FLYWCH1: variants seen among roughly 807,000 people sequenced by gnomAD.
FLYWCH1 encodes the protein FLYWCH-type zinc finger-containing protein 1.
In FLYWCH1, 75 loss-of-function variants were observed where a neutral mutation model predicts 66.4. The observed-to-expected ratio is 1.13, with a 90% CI of 0.94 to 1.37. The LOEUF is 1.37. Ranked by LOEUF, FLYWCH1 falls within the 40% of genes most tolerant of loss-of-function variation. The pLI is 0.00. For synonymous variants in FLYWCH1, 595 were observed against 429.9 expected (o/e 1.38, Z -4.75); for missense variants, 1,334 against 1,001.8 (o/e 1.33, Z -4.48).
intron 2 of FLYWCH1, among the ~76,000 whole-genome samples, chr16:2,928,281 C>G (rs532903026): frequency 6.6e-6 from 1 of 152,206 alleles, no homozygotes; most frequent in African/African-American, 2.4e-5. Context: ...TTCCCTCTTT[C>G]ACTCCTCCTC....
intron 9 of FLYWCH1, among the ~76,000 whole-genome samples, chr16:2,948,404 A>G (rs1256766752): frequency 6.7e-6 from 1 of 148,878 alleles, no homozygotes; most frequent in Non-Finnish European, 1.5e-5. Context: ...AATAAAATAC[A>G]AAAAAAAAAT....
At chr16:2,930,307 G>A in intron 3 of FLYWCH1, 103 bp from the exon 4 acceptor site, 1 of 717,356 alleles carries the variant, frequency 1.4e-6, no homozygotes, top group Non-Finnish European at 2.3e-6. Flanking sequence ...AGGAGGAGAA[G>A]GCACCTGCCA....
At chr16:2,919,115 T>C (rs1275460606) in intron 2 of FLYWCH1, among the ~76,000 whole-genome samples, 1 of 151,902 alleles carries the variant, frequency 6.6e-6, no homozygotes. Context: ...TTTTGTGTTT[T>C]AGTAGATGTT....
At chr16:2,912,929 G>A (rs2070041127) in intron 1 of FLYWCH1, 1 of 152,172 alleles carries the variant, frequency 6.6e-6, no homozygotes. Flanking sequence ...TGCTTTCCAA[G>A]GGCCAATATG....
chr16:2,926,618 C>G (rs1399632316), intron 2 of FLYWCH1, among the ~76,000 whole-genome samples: 2 of 152,210 alleles, frequency 1.3e-5, no homozygotes, highest in Admixed American at 6.5e-5. Context: ...AGACAAGGCT[C>G]TAAAGAGCCC....
intron 2 of FLYWCH1, among the ~76,000 whole-genome samples, chr16:2,916,463 G>A (rs1013751198): frequency 5.9e-5 from 9 of 151,716 alleles, no homozygotes; most frequent in Admixed American, 2.0e-4. Context: ...GTGAAACCCC[G>A]TCTCTACTAA....
chr16:2,928,760 G>GCCC (rs940417343), intron 2 of FLYWCH1: 11 of 152,080 alleles, frequency 7.2e-5, no homozygotes, highest in African/African-American at 2.4e-4. Context: ...GCCACTGACT[G>GCCC]CCCCCAGGCC....
At chr16:2,937,051 T>G (rs531099720) in intron 6 of FLYWCH1, 70 bp from the exon 7 acceptor site, 11 of 1,242,232 alleles carry the variant, frequency 8.9e-6, no homozygotes, top group Admixed American at 3.9e-5. Flanking sequence ...GGAGGTCTCA[T>G]CTCGGGGCCA....
rs55962211 is a variant in FLYWCH1, at chr16:2,928,666, G to A, written c.-73-947G>A. On this transcript the variant is annotated intron_variant, in intron 2 of 9. Transcript: ENST00000253928. ...TACAGATCAAAATGGAGTTTCTTAT[G>A]TCTTCCTTTCCTACATAGACACAGT... Among the ~76,000 whole-genome samples, 219 of 152,150 alleles carry A rather than the reference G, an allele frequency of 1.4e-3. 1 individual carries two copies. Among genetic ancestry groups the A allele is most frequent in the African/African-American group, 4.8e-3 (200 of 41,478 alleles).
chr16:2,949,128 G>A lies in FLYWCH1; in HGVS notation c.*401G>A, dbSNP rs1484391149. Reference sequence around the variant, plus strand: ...CTGCTCAGCACGGTGCAAAGTGAATGCTGCTGTCTTGGAGCCTGGGCACGT... The same window carrying A: ...CTGCTCAGCACGGTGCAAAGTGAATACTGCTGTCTTGGAGCCTGGGCACGT... On this transcript the variant is annotated 3_prime_UTR_variant, in exon 10 of 10. Coordinates refer to ENST00000253928, the MANE Select transcript of FLYWCH1 (RefSeq NM_001308068.2). 4.6e-6 allele frequency: 1 copy of A among 215,776 alleles called. No homozygotes were observed. The highest frequency in any genetic ancestry group is 9.3e-6 in the Non-Finnish European group (1 of 107,556). The allele number at this position is 215,776 out of a possible 1,614,324, so 13.4% of individuals were successfully genotyped here.
chr16:2,938,354 A>C lies in FLYWCH1; in HGVS notation c.1948A>C (p.Ile650Leu). The C allele has an allele frequency of 6.3e-7, 1 of 1,598,702 alleles. No individual in the cohort carries two copies. The highest frequency in any genetic ancestry group is 8.5e-7 in the Non-Finnish European group (1 of 1,171,794). ...CCGCGCCATAACCCAGGGCCACCGC[A>C]TCATGGTCATGCGCAGCCACTGCCA... ...RSRAITQGHRIMVMRSHCHQP... is the reference protein window; with the variant it reads ...RSRAITQGHRLMVMRSHCHQP... The change falls in exon 8 of 10, where the codon ATC (isoleucine) becomes CTC (leucine). Residue 650 changes from isoleucine (I) to leucine (L), a missense_variant. Coordinates refer to ENST00000253928, the MANE Select transcript of FLYWCH1 (RefSeq NM_001308068.2).
At position 2,938,096 on chromosome 16, in the gene FLYWCH1, G is replaced by A. The variant is rs1001243174; in HGVS notation, c.1778-88G>A. The A allele has an allele frequency of 1.2e-5, 16 of 1,328,762 alleles. No homozygotes were observed. In the East Asian group the frequency reaches 3.7e-4, roughly 31 times the overall value. The allele number at this position is 1,328,762 out of a possible 1,614,324, so 82.3% of individuals were successfully genotyped here. A position where few individuals can be genotyped will look rare whatever the true frequency, so the allele number is the denominator to read the frequency against. On this transcript the variant is annotated intron_variant, in intron 7 of 9. Transcript: ENST00000253928. ...TGCTAGGGGATCGCAGATTCCTGGT[G>A]GGGCCTGGCTGGGGGATACAAATCA...
Position 2,933,131 on chromosome 16 carries a change from A to G in FLYWCH1, c.798A>G (p.Gly266=). 1 of 1,612,196 alleles carries G rather than the reference A, an allele frequency of 6.2e-7. No individual in the cohort carries two copies. Among genetic ancestry groups the G allele is most frequent in the Non-Finnish European group, 8.5e-7 (1 of 1,179,062 alleles). The change falls in exon 5 of 10, where the codon GGA becomes GGG. Residue 266 remains glycine, a splice_region_variant and synonymous_variant. Transcript: ENST00000253928. ...PPKKRSILGL[G]QARPLEFLRT... is the part of the protein sequence containing the mutation. The stretch of plus-strand genomic sequence containing the variant: ...TGACCACTTGGGTCTCTCCTCTAGG[A>G]CAGGCCCGGCCCCTCGAGTTCCTGA...
At chr16:2,918,249 A>G (rs925876908) in intron 2 of FLYWCH1, among the ~76,000 whole-genome samples, 3 of 136,242 alleles carry the variant, frequency 2.2e-5, no homozygotes, top group Non-Finnish European at 3.1e-5. Flanking sequence ...CCAGGCTCAC[A>G]CCATTCTCCT....
At position 2,929,875 on chromosome 16, in the gene FLYWCH1, T is replaced by C. The variant is rs554030327; in HGVS notation, c.190T>C (p.Cys64Arg). The change falls in exon 3 of 10, where the codon TGC (cysteine) becomes CGC (arginine). Residue 64 changes from cysteine to arginine, a missense_variant. By Grantham distance (180) the Cys-to-Arg change is radical. Coordinates refer to ENST00000253928, the MANE Select transcript of FLYWCH1 (RefSeq NM_001308068.2). ...GGGATCCAAGCCCCAGGAAGTGCAC[T>C]GCGTCCTGTCCCTGGAGATGGCTGG... ...GVGSKPQEVH[C>R]VLSLEMAGPA... 1.2e-6 allele frequency: 2 copies of C among 1,613,918 alleles called. No homozygotes were observed. The highest frequency in any genetic ancestry group is 3.3e-5 in the Admixed American group (2 of 60,030).
rs1404791548 is a variant in FLYWCH1 at position 2,933,885 on chromosome 16, C to T, written c.1419C>T (p.Val473=). 5.7e-6 allele frequency: 9 copies of T among 1,591,590 alleles called. No individual in the cohort carries two copies. The highest frequency in any genetic ancestry group is 6.0e-6 in the Non-Finnish European group (7 of 1,169,700). ...RAITQGRRVT[V]MRGHCHPPDL... ...TCACCCAGGGCCGACGGGTGACTGT[C>T]ATGCGTGGTCACTGCCACCCGCCCG... Residue 473 remains valine, a synonymous_variant, in exon 6 of 10, where the codon GTC becomes GTT. Transcript: ENST00000253928.
At chr16:2,948,564 A>G in intron 9 of FLYWCH1, 124 bp from the exon 10 acceptor site, 1 of 1,032,678 alleles carries the variant, frequency 9.7e-7, no homozygotes, top group Non-Finnish European at 1.5e-6. Flanking sequence ...TTCCGTCTCA[A>G]AAATAAATGT....
intron 2 of FLYWCH1, among the ~76,000 whole-genome samples, chr16:2,921,865 C>A (rs567893070): frequency 1.3e-5 from 2 of 152,058 alleles, no homozygotes; most frequent in Non-Finnish European, 2.9e-5. Flanking sequence ...AGTTCGAGAC[C>A]ATCCTGGCCA....
intron 2 of FLYWCH1, among the ~76,000 whole-genome samples, chr16:2,924,538 C>T (rs1302106068): frequency 6.6e-6 from 1 of 152,158 alleles, no homozygotes; most frequent in East Asian, 1.9e-4. Context: ...AGGTGGTTTC[C>T]CTGAATGTGG....
Sources: gnomAD v4.1 joint callset for allele counts (sites outside exome capture counted in the v4.1 genomes callset) on GRCh38, gnomAD v4.1.1 for gene constraint, MANE v1.5 for transcripts, NCBI Gene and HGNC (gene_info 2026-07-23, HGNC 2026-07-21) for gene names.